DPM1: variants seen among roughly 807,000 people sequenced by gnomAD.
DPM1 encodes dolichol-phosphate mannosyltransferase subunit 1.
A neutral mutation model predicts 39.0 loss-of-function variants in DPM1; 27 were observed. The observed-to-expected ratio is 0.69, with a 90% CI of 0.51 to 0.95. The LOEUF (loss-of-function observed/expected upper bound fraction) is 0.95. Among genes scored for constraint, DPM1 ranks in the 40% least tolerant of loss-of-function variants. The pLI, the probability that DPM1 is intolerant of heterozygous loss-of-function variation, is 0.00. For synonymous variants in DPM1, 124 were observed against 109.0 expected, an observed-to-expected ratio of 1.14 and a Z score of -0.86; for missense variants, 307 against 315.6, an observed-to-expected ratio of 0.97 and a Z score of 0.21.
intron 2 of DPM1, among the ~76,000 whole-genome samples, chr20:50,949,890 G>A (rs1360945215): frequency 6.6e-6 from 1 of 151,902 alleles, no homozygotes; most frequent in East Asian, 1.9e-4. Context: ...GAAGCATATA[G>A]TTGGCTCTTT....
intron 6 of DPM1, chr20:50,941,265 A>ATATATATATAT (rs1985749255): frequency 7.5e-5 from 8 of 107,314 alleles, no homozygotes; most frequent in African/African-American, 1.8e-4. Context: ...TATATATATA[A>ATATATATATAT]ATAAAATACA....
At chr20:50,939,858 A>G (rs960666782) in intron 7 of DPM1, among the ~76,000 whole-genome samples, 1 of 146,352 alleles carries the variant, frequency 6.8e-6, no homozygotes, top group African/African-American at 2.5e-5. Flanking sequence ...AGTGATCCAC[A>G]TGCCTCGGCC....
chr20:50,938,147 T>G (rs554479187), intron 7 of DPM1, among the ~76,000 whole-genome samples: 93 of 152,198 alleles, frequency 6.1e-4, no homozygotes, highest in Non-Finnish European at 1.1e-3. Flanking sequence ...AAATGTTACA[T>G]GAAGCCATAT....
At chr20:50,952,307 T>G (rs1160434288) in intron 2 of DPM1, among the ~76,000 whole-genome samples, 2 of 152,202 alleles carry the variant, frequency 1.3e-5, no homozygotes, top group Non-Finnish European at 2.9e-5. Flanking sequence ...ACAGACAATC[T>G]TGAAAAAAGT....
In DPM1 at chr20:50,947,278, C is replaced by G. The variant is rs995459149; in HGVS notation, c.295+1351G>C. Among the ~76,000 whole-genome samples, 4 of 152,264 alleles carry G rather than the reference C, an allele frequency of 2.6e-5. No homozygotes were observed. The East Asian group carries it at 7.7e-4, about 29-fold the overall frequency. On this transcript the variant is annotated intron_variant, in intron 3 of 8. Transcript: ENST00000371588. ...CCCAGCTACTCGGGAGGCTGAGGCA[C>G]AAGAATGGCTCAAACCCAGCAGGCA... is the stretch of plus-strand genomic sequence containing the variant.
intron 2 of DPM1, 86 bp from the exon 3 acceptor site, chr20:50,948,748 CT>C (rs1986422904): frequency 8.3e-7 from 1 of 1,207,766 alleles, no homozygotes; most frequent in African/African-American, 1.5e-5. Context: ...TGCATACTCA[CT>C]TTAATAGAAA....
intron 3 of DPM1, among the ~76,000 whole-genome samples, chr20:50,946,719 C>T (rs1986305766): frequency 6.6e-6 from 1 of 152,190 alleles, no homozygotes; most frequent in Non-Finnish European, 1.5e-5. Flanking sequence ...ATTCTCTAGT[C>T]CAGACCCCTC....
In DPM1 at chr20:50,936,026, AAAC is replaced by A. The variant is rs1334591390; in HGVS notation, c.678+119_678+121del. 7 of 714,660 alleles carry A rather than the reference AAAC, an allele frequency of 9.8e-6. No individual in the cohort carries two copies. The East Asian group carries it at 1.4e-4, about 14-fold the overall frequency. The allele number at this position is 714,660 out of a possible 1,614,324, so 44.3% of individuals were successfully genotyped here. A position where few individuals can be genotyped will look rare whatever the true frequency, so the allele number is the denominator to read the frequency against. ...TTTACCCTTTGTGCATGAATATTCT[AAAC>A]AACTAGAAGACCTCCACAATTTAGC... On this transcript the variant is annotated intron_variant, in intron 8 of 8. Transcript: ENST00000371588.
intron 7 of DPM1, among the ~76,000 whole-genome samples, chr20:50,936,973 T>C (rs1985218370): frequency 6.6e-6 from 1 of 151,706 alleles, no homozygotes; most frequent in Non-Finnish European, 1.5e-5. Context: ...AGTTGGGCAG[T>C]CCAGTGGGTA....
chr20:50,946,497 T>G (rs1243523931), intron 3 of DPM1, among the ~76,000 whole-genome samples: 1 of 152,280 alleles, frequency 6.6e-6, no homozygotes, highest in Non-Finnish European at 1.5e-5. Context: ...ACTTCTAAAC[T>G]GTAATTAAGT....
intron 7 of DPM1, among the ~76,000 whole-genome samples, chr20:50,936,575 A>G (rs1260133760): frequency 6.6e-6 from 1 of 152,256 alleles, no homozygotes; most frequent in South Asian, 2.1e-4. Context: ...AGAACCATCC[A>G]TTATTTAAGA....
chr20:50,950,239 C>T (rs1986506864), intron 2 of DPM1, among the ~76,000 whole-genome samples: 1 of 152,192 alleles, frequency 6.6e-6, no homozygotes, highest in African/African-American at 2.4e-5. Context: ...ATCCTCTACA[C>T]TTTTACTCCA....
chr20:50,934,908 A>G lies in DPM1; in HGVS notation c.*224T>C, dbSNP rs1459572725. On this transcript the variant is annotated 3_prime_UTR_variant, in exon 9 of 9. Transcript: ENST00000371588. The stretch of plus-strand genomic sequence containing the variant: ...AAATATACATTTATTTATAGGTCTC[A>G]ATACAGCAAAATGAAAACGAAAATT... The G allele has an allele frequency of 1.1e-5, 5 of 437,496 alleles. No individual in the cohort carries two copies. In the East Asian group the frequency reaches 1.7e-4, roughly 15 times the overall value. 27.1% of individuals were successfully genotyped at this position (437,496 alleles called of 1,614,324 possible).
At chr20:50,947,415 T>C (rs1359942936) in intron 3 of DPM1, among the ~76,000 whole-genome samples, 1 of 152,150 alleles carries the variant, frequency 6.6e-6, no homozygotes, top group East Asian at 1.9e-4. Flanking sequence ...TTCATGGCAG[T>C]TTCCAGATTT....
chr20:50,939,608 G>A (rs1275814681), intron 7 of DPM1, among the ~76,000 whole-genome samples: 2 of 149,704 alleles, frequency 1.3e-5, no homozygotes, highest in Non-Finnish European at 3.0e-5. Context: ...GGGATTACAG[G>A]TGTGAGCCAC....
intron 5 of DPM1, among the ~76,000 whole-genome samples, chr20:50,942,503 CAAAA>C (rs11484450): frequency 7.8e-6 from 1 of 128,784 alleles, no homozygotes; most frequent in Non-Finnish European, 1.7e-5. Context: ...GACTCCATCT[CAAAA>C]AAAAAAAAAA....
At chr20:50,938,373 TA>T (rs2123071613) in intron 7 of DPM1, among the ~76,000 whole-genome samples, 1 of 151,644 alleles carries the variant, frequency 6.6e-6, no homozygotes, top group East Asian at 2.0e-4. Flanking sequence ...CAATGAGATT[TA>T]ACTATTAAAA....
chr20:50,940,293 A>T (rs973983176), intron 7 of DPM1, among the ~76,000 whole-genome samples: 11 of 146,760 alleles, frequency 7.5e-5, no homozygotes, highest in Non-Finnish European at 1.5e-4. Context: ...TTCAGAGATT[A>T]AAAAAAAAAA....
At position 50,935,243 on chromosome 20, in the gene DPM1, T is replaced by A. The variant is rs60224379; in HGVS notation, c.679-7A>T. The stretch of plus-strand genomic sequence containing the variant: ...CCACAAATGATATTGGAACCTAGTT[T>A]AAAAAAAAAAAAGTAACGTTAGTCT... On this transcript the variant is annotated splice_polypyrimidine_tract_variant and splice_region_variant and intron_variant, in intron 8 of 8. Coordinates refer to ENST00000371588, the MANE Select transcript of DPM1 (RefSeq NM_003859.3). The A allele has an allele frequency of 0.035, 48,259 of 1,376,748 alleles. 4,058 individuals are homozygous for A. The highest frequency in any genetic ancestry group is 0.33 in the African/African-American group (22,676 of 68,902). 85.3% of individuals were successfully genotyped at this position (1,376,748 alleles called of 1,614,324 possible).
Sources: gnomAD v4.1 joint callset for allele counts (sites outside exome capture counted in the v4.1 genomes callset) on GRCh38, gnomAD v4.1.1 for gene constraint, MANE v1.5 for transcripts, NCBI Gene and HGNC (gene_info 2026-07-23, HGNC 2026-07-21) for gene names.